The following SNTG1 variants were observed in gnomAD, a reference collection of about 807,000 sequenced individuals.
The protein encoded by SNTG1 is gamma-1-syntrophin.
SNTG1 carries 39 observed loss-of-function variants against 74.7 expected under a neutral mutation model. The ratio of observed to expected loss-of-function variants is 0.52; its 90% CI spans 0.40 to 0.68. SNTG1 has a LOEUF of 0.68. Ranked by LOEUF, SNTG1 falls within the 30% of genes least tolerant of loss-of-function variation. SNTG1 has a pLI of 0.00. For synonymous variants in SNTG1, 254 were observed against 217.1 expected (o/e 1.17, Z -1.49); for missense variants, 685 against 609.5 (o/e 1.12, Z -1.30).
chr8:50,705,302 A>G (rs2095439744), intron 16 of SNTG1, among the ~76,000 whole-genome samples: 1 of 152,194 alleles, frequency 6.6e-6, no homozygotes, highest in African/African-American at 2.4e-5. Context: ...TCACTTTTGA[A>G]CACAATATAA....
At chr8:49,990,520 TTGTA>T (rs1364493308) in intron 1 of SNTG1, among the ~76,000 whole-genome samples, 10 of 152,108 alleles carry the variant, frequency 6.6e-5, no homozygotes, top group Admixed American at 6.6e-4. Context: ...TTCTTACTTC[TTGTA>T]TATATGTATT....
intron 1 of SNTG1, among the ~76,000 whole-genome samples, chr8:49,992,912 T>G (rs1326018885): frequency 6.6e-6 from 1 of 152,220 alleles, no homozygotes; most frequent in Non-Finnish European, 1.5e-5. Context: ...TATATTTTGA[T>G]TTTGCATTTG....
intron 8 of SNTG1, among the ~76,000 whole-genome samples, chr8:50,481,890 A>T (rs1030742655): frequency 6.6e-6 from 1 of 152,102 alleles, no homozygotes; most frequent in African/African-American, 2.4e-5. Context: ...CAGTTTTGTG[A>T]TTTCTGCAGA....
chr8:50,628,729 A>G (rs947905075), intron 13 of SNTG1, among the ~76,000 whole-genome samples: 4 of 152,090 alleles, frequency 2.6e-5, no homozygotes, highest in African/African-American at 9.7e-5. Flanking sequence ...GTGGTCTTTA[A>G]TAATAACAAG....
At chr8:50,382,286 T>C (rs2092500600) in intron 2 of SNTG1, 2 of 152,134 alleles carry the variant, frequency 1.3e-5, no homozygotes, top group South Asian at 4.1e-4. Flanking sequence ...GTGTTTTCCT[T>C]ATAGTTTTTA....
intron 17 of SNTG1, among the ~76,000 whole-genome samples, chr8:50,742,259 G>A (rs1409641541): frequency 6.6e-6 from 1 of 151,852 alleles, no homozygotes; most frequent in Non-Finnish European, 1.5e-5. Context: ...CTTCAGATTA[G>A]ACCATGTGTT....
chr8:50,499,522 A>T (rs1052429761), intron 8 of SNTG1, among the ~76,000 whole-genome samples: 3 of 151,286 alleles, frequency 2.0e-5, no homozygotes, highest in South Asian at 2.1e-4. Context: ...AGATACCTAA[A>T]TTTTTTCTCT....
At chr8:49,997,039 G>A (rs980925981) in intron 1 of SNTG1, among the ~76,000 whole-genome samples, 1 of 152,070 alleles carries the variant, frequency 6.6e-6, no homozygotes, top group Non-Finnish European at 1.5e-5. Flanking sequence ...CTTTTTAAAA[G>A]GGAGCCTTCT....
chr8:49,938,278 T>G (rs1304347186), intron 1 of SNTG1, among the ~76,000 whole-genome samples: 6 of 152,206 alleles, frequency 3.9e-5, no homozygotes, highest in Non-Finnish European at 5.9e-5. Flanking sequence ...TGTTCCCAAA[T>G]AACAGGATCA....
chr8:50,456,352 A>G (rs2093505119), intron 8 of SNTG1, among the ~76,000 whole-genome samples: 1 of 152,078 alleles, frequency 6.6e-6, no homozygotes, highest in East Asian at 1.9e-4. Context: ...CTGTAACAAA[A>G]TACTTGTAAC....
At chr8:50,018,754 T>A in intron 1 of SNTG1, among the ~76,000 whole-genome samples, 1 of 151,950 alleles carries the variant, frequency 6.6e-6, no homozygotes, top group East Asian at 1.9e-4. Context: ...TCTAGATAAA[T>A]TAGATAAATG....
intron 2 of SNTG1, among the ~76,000 whole-genome samples, chr8:50,279,437 T>C (rs1301979353): frequency 6.6e-6 from 1 of 152,202 alleles, no homozygotes; most frequent in Non-Finnish European, 1.5e-5. Flanking sequence ...GTATAGTTAT[T>C]AATTGTATAA....
intron 1 of SNTG1, among the ~76,000 whole-genome samples, chr8:50,142,357 A>G (rs1293015354): frequency 1.3e-5 from 2 of 152,050 alleles, no homozygotes; most frequent in African/African-American, 2.4e-5. Flanking sequence ...CAGAGGAGCT[A>G]TAAACAAAGA....
chr8:50,034,925 C>T (rs1434099108), intron 1 of SNTG1, among the ~76,000 whole-genome samples: 1 of 152,106 alleles, frequency 6.6e-6, no homozygotes, highest in African/African-American at 2.4e-5. Context: ...AGACCAATTA[C>T]CCACCAGTGC....
chr8:50,173,281 T>C (rs941026786), intron 2 of SNTG1, among the ~76,000 whole-genome samples: 4 of 152,146 alleles, frequency 2.6e-5, no homozygotes, highest in Admixed American at 1.3e-4. Flanking sequence ...TCATACACTA[T>C]TTGTTGGAAG....
intron 12 of SNTG1, among the ~76,000 whole-genome samples, chr8:50,560,381 G>T (rs1036587906): frequency 7.2e-5 from 11 of 152,106 alleles, no homozygotes; most frequent in Non-Finnish European, 1.6e-4. Flanking sequence ...TGAACCCAAA[G>T]GAATATAAAT....
intron 2 of SNTG1, among the ~76,000 whole-genome samples, chr8:50,177,257 G>C (rs563220121): frequency 6.6e-6 from 1 of 152,316 alleles, no homozygotes; most frequent in East Asian, 1.9e-4. Context: ...CTCCCTGAGA[G>C]TGTGGGGCCC....
intron 1 of SNTG1, among the ~76,000 whole-genome samples, chr8:50,100,297 A>G (rs544652295): frequency 2.4e-4 from 37 of 152,072 alleles, no homozygotes; most frequent in Non-Finnish European, 5.9e-5. Context: ...GGAAAAGGAC[A>G]GTTTTATTAA....
At chr8:50,719,863 C>T (rs893821882) in intron 17 of SNTG1, among the ~76,000 whole-genome samples, 1 of 152,072 alleles carries the variant, frequency 6.6e-6, no homozygotes, top group Non-Finnish European at 1.5e-5. Context: ...AAAAGATTAA[C>T]TTTTCTCCTT....
Sources: allele counts gnomAD v4.1 joint callset (sites outside exome capture counted in the v4.1 genomes callset), GRCh38; gene constraint gnomAD v4.1.1; transcripts MANE v1.5; gene names NCBI Gene and HGNC (gene_info 2026-07-23, HGNC 2026-07-21).